RBFOX1: variants seen among roughly 807,000 people sequenced by gnomAD.
RBFOX1 encodes RNA binding protein fox-1 homolog 1.
Under a neutral mutation model 57.7 loss-of-function variants are expected in RBFOX1, and 8 were observed. That is an observed-to-expected ratio of 0.14 (90% CI 0.08 to 0.25). The LOEUF (loss-of-function observed/expected upper bound fraction) is 0.25. Among genes scored for constraint, RBFOX1 ranks in the 10% least tolerant of loss-of-function variants. The pLI, the probability that RBFOX1 is intolerant of heterozygous loss-of-function variation, is 1.00. For synonymous variants in RBFOX1, 326 were observed against 222.4 expected, an observed-to-expected ratio of 1.47 and a Z score of -4.15; for missense variants, 611 against 548.5, an observed-to-expected ratio of 1.11 and a Z score of -1.14.
chr16:6,060,911 C>A (rs1336278691), intron 1 of RBFOX1, among the ~76,000 whole-genome samples: 2 of 152,206 alleles, frequency 1.3e-5, no homozygotes, highest in African/African-American at 2.4e-5. Context: ...CTGTAGATTT[C>A]TTTCCCACAT....
At chr16:6,299,794 G>T (rs1196957931) in intron 1 of RBFOX1, among the ~76,000 whole-genome samples, 1 of 152,078 alleles carries the variant, frequency 6.6e-6, no homozygotes, top group African/African-American at 2.4e-5. Context: ...AGGGATCTTT[G>T]GGAAACAAGT....
At chr16:6,848,059 T>G (rs2093856508) in intron 3 of RBFOX1, among the ~76,000 whole-genome samples, 1 of 152,080 alleles carries the variant, frequency 6.6e-6, no homozygotes, top group South Asian at 2.1e-4. Context: ...CTCCAACTCC[T>G]GACCTCAAGT....
At chr16:6,934,575 A>G (rs778994213) in intron 3 of RBFOX1, among the ~76,000 whole-genome samples, 8 of 152,310 alleles carry the variant, frequency 5.3e-5, no homozygotes, top group South Asian at 4.1e-4. Flanking sequence ...AAAAGATAAC[A>G]AAGTCATGTC....
chr16:6,412,758 G>A lies in RBFOX1; in HGVS notation c.-64+95701G>A, dbSNP rs948494335. ...TGTGAAGCACTTACTTAGTTGTCTC[G>A]GAACCATCTAATGATCTGATTCAGT... On this transcript the variant is annotated intron_variant, in intron 2 of 15. Coordinates refer to ENST00000550418, the MANE Select transcript of RBFOX1 (RefSeq NM_018723.4). 5.9e-5 allele frequency among the ~76,000 whole-genome samples: 9 copies of A among 152,124 alleles called. No individual in the cohort carries two copies. In the East Asian group the frequency reaches 7.7e-4, roughly 13 times the overall value.
chr16:5,839,337 C>T (rs1383877625), intron 3 of RBFOX1, among the ~76,000 whole-genome samples: 1 of 152,100 alleles, frequency 6.6e-6, no homozygotes, highest in African/African-American at 2.4e-5. Context: ...TGGGAGGGAA[C>T]TGATAGTTTC....
chr16:5,458,166 C>A (rs958729643), intron 1 of RBFOX1, among the ~76,000 whole-genome samples: 10 of 152,156 alleles, frequency 6.6e-5, no homozygotes, highest in African/African-American at 2.4e-4. Flanking sequence ...ATTAATGTTG[C>A]ATTAAATATA....
intron 3 of RBFOX1, among the ~76,000 whole-genome samples, chr16:7,046,058 T>G (rs1049898015): frequency 3.3e-5 from 5 of 152,200 alleles, no homozygotes; most frequent in South Asian, 2.1e-4. Context: ...ATTAAAATAC[T>G]TGCTGATTAT....
chr16:6,630,416 A>G (rs1051021448), intron 2 of RBFOX1, among the ~76,000 whole-genome samples: 3 of 152,164 alleles, frequency 2.0e-5, no homozygotes, highest in Non-Finnish European at 4.4e-5. Flanking sequence ...GAAGTTGATG[A>G]TGGTAAGGTT....
At chr16:5,439,853 G>A (rs960567086) in intron 1 of RBFOX1, among the ~76,000 whole-genome samples, 1 of 152,170 alleles carries the variant, frequency 6.6e-6, no homozygotes, top group Non-Finnish European at 1.5e-5. Context: ...ATGGCAGCAG[G>A]TGAGTTAGGG....
chr16:5,636,468 G>A (rs986827145), intron 3 of RBFOX1, among the ~76,000 whole-genome samples: 54 of 152,342 alleles, frequency 3.5e-4, no homozygotes, highest in African/African-American at 1.2e-3. Context: ...ATGAGAATCT[G>A]AAGGACTCCT....
intron 4 of RBFOX1, among the ~76,000 whole-genome samples, chr16:7,063,217 G>C (rs1024275143): frequency 2.0e-5 from 3 of 152,018 alleles, no homozygotes; most frequent in African/African-American, 7.2e-5. Context: ...CAGTCATCAA[G>C]AGCAGGTAGG....
chr16:7,048,460 C>G (rs908398471), intron 3 of RBFOX1, among the ~76,000 whole-genome samples: 2 of 151,762 alleles, frequency 1.3e-5, no homozygotes, highest in Non-Finnish European at 2.9e-5. Flanking sequence ...AGGGTTTCAT[C>G]GTATTAGCCA....
At chr16:5,588,372 A>G (rs74007221) in intron 2 of RBFOX1, among the ~76,000 whole-genome samples, 2,131 of 150,756 alleles carry the variant, frequency 0.014, 49 homozygotes, top group African/African-American at 0.047. Flanking sequence ...AAAGTTTGGA[A>G]AAAAAAATGA....
intron 4 of RBFOX1, among the ~76,000 whole-genome samples, chr16:7,421,870 C>G (rs963827547): frequency 2.0e-5 from 3 of 152,104 alleles, no homozygotes; most frequent in African/African-American, 7.2e-5. Flanking sequence ...TTTCTTCAGC[C>G]TTTTTGAAGG....
chr16:7,046,041 T>C (rs1438221142), intron 3 of RBFOX1, among the ~76,000 whole-genome samples: 2 of 152,192 alleles, frequency 1.3e-5, no homozygotes, highest in African/African-American at 4.8e-5. Flanking sequence ...TTCTGCAAGG[T>C]ACTGATATTA....
intron 4 of RBFOX1, among the ~76,000 whole-genome samples, chr16:5,917,055 C>T (rs1268153272): frequency 6.6e-6 from 1 of 152,126 alleles, no homozygotes; most frequent in Non-Finnish European, 1.5e-5. Flanking sequence ...TTTCTCCCTT[C>T]ACCGCACCCT....
intron 1 of RBFOX1, among the ~76,000 whole-genome samples, chr16:6,251,931 C>T (rs1399816005): frequency 6.6e-6 from 1 of 152,108 alleles, no homozygotes; most frequent in East Asian, 1.9e-4. Context: ...ATTCTGTCTC[C>T]TGGTTCCGAA....
At chr16:6,902,094 A>C (rs995312850) in intron 3 of RBFOX1, among the ~76,000 whole-genome samples, 1 of 152,184 alleles carries the variant, frequency 6.6e-6, no homozygotes, top group Non-Finnish European at 1.5e-5. Flanking sequence ...ATATTTGTCT[A>C]CATAAAATCA....
chr16:7,514,686 C>A lies in RBFOX1; in HGVS notation c.28-3461C>A, dbSNP rs182688065. 7.5e-4 allele frequency among the ~76,000 whole-genome samples: 114 copies of A among 152,186 alleles called. 1 individual carries two copies. Among genetic ancestry groups the A allele is most frequent in the African/African-American group, 2.7e-3 (112 of 41,536 alleles). ...AGGTGAGGCTTTCCAAGCTGAGGGG[C>A]AGTAAATGTGAAGACTTGATGGGGT... On this transcript the variant is annotated intron_variant, in intron 4 of 15. Coordinates refer to ENST00000550418, the MANE Select transcript of RBFOX1 (RefSeq NM_018723.4).
Sources: allele counts gnomAD v4.1 joint callset (sites outside exome capture counted in the v4.1 genomes callset), GRCh38; gene constraint gnomAD v4.1.1; transcripts MANE v1.5; gene names NCBI Gene and HGNC (gene_info 2026-07-23, HGNC 2026-07-21).